FXR1: variants seen among roughly 807,000 people sequenced by gnomAD.
FXR1 encodes RNA-binding protein FXR1.
In FXR1, 15 loss-of-function variants were observed where a neutral mutation model predicts 84.0. The observed-to-expected ratio is 0.18, with a 90% CI of 0.12 to 0.27. The LOEUF (loss-of-function observed/expected upper bound fraction) is 0.27, where lower values mean the gene tolerates loss of function less well. Ranked by LOEUF, FXR1 falls within the 10% of genes least tolerant of loss-of-function variation. The pLI, the probability that FXR1 is intolerant of heterozygous loss-of-function variation, is 1.00. For missense variants in FXR1, 480 were observed against 774.4 expected, an observed-to-expected ratio of 0.62 and a Z score of 4.51; for synonymous variants, 245 against 250.7, an observed-to-expected ratio of 0.98 and a Z score of 0.21.
At chr3:180,961,000 C>G (rs182694330) in intron 10 of FXR1, among the ~76,000 whole-genome samples, 1 of 151,848 alleles carries the variant, frequency 6.6e-6, no homozygotes, top group Non-Finnish European at 1.5e-5. Context: ...AAGTTTAGTA[C>G]ATGTAAATTG....
intron 1 of FXR1, among the ~76,000 whole-genome samples, chr3:180,929,180 C>T (rs572441550): frequency 4.5e-4 from 69 of 152,304 alleles, no homozygotes; most frequent in East Asian, 3.3e-3. Flanking sequence ...GCTGGGATTA[C>T]AGGCGTGAGC....
At chr3:180,973,532 A>C (rs1047843099) in intron 15 of FXR1, among the ~76,000 whole-genome samples, 16 of 152,238 alleles carry the variant, frequency 1.1e-4, no homozygotes, top group Admixed American at 2.0e-4. Context: ...TTGTTCTTGT[A>C]ATAGGTTTGC....
chr3:180,950,643 C>G (rs1202922236), intron 7 of FXR1, among the ~76,000 whole-genome samples: 2 of 152,080 alleles, frequency 1.3e-5, no homozygotes, highest in Non-Finnish European at 2.9e-5. Flanking sequence ...TGCTCATTTT[C>G]CCCTTTCCAC....
chr3:180,972,776 A>AC (rs1713748905), intron 15 of FXR1, among the ~76,000 whole-genome samples: 2 of 152,074 alleles, frequency 1.3e-5, no homozygotes, highest in Admixed American at 6.6e-5. Flanking sequence ...CTTCTTTGGG[A>AC]TTACTACTTC....
intron 9 of FXR1, among the ~76,000 whole-genome samples, chr3:180,955,954 C>G (rs958623294): frequency 2.0e-5 from 3 of 152,158 alleles, no homozygotes; most frequent in South Asian, 4.1e-4. Context: ...CTATTACACA[C>G]TGGTGAAATA....
At chr3:180,949,828 A>G (rs1356210836) in intron 7 of FXR1, among the ~76,000 whole-genome samples, 1 of 152,238 alleles carries the variant, frequency 6.6e-6, no homozygotes, top group Non-Finnish European at 1.5e-5. Context: ...CCTTTGCGAA[A>G]TGCCTGTTGA....
chr3:180,957,646 C>T (rs1711526124), intron 9 of FXR1, 173 bp from the exon 10 acceptor site: 2 of 490,488 alleles, frequency 4.1e-6, no homozygotes, highest in Non-Finnish European at 7.4e-6. Flanking sequence ...AGTTTCAGAC[C>T]AAGGGTGAAA....
At chr3:180,968,831 A>G (rs1406710425) in intron 14 of FXR1, among the ~76,000 whole-genome samples, 1 of 152,116 alleles carries the variant, frequency 6.6e-6, no homozygotes, top group African/African-American at 2.4e-5. Flanking sequence ...GTCTTCTAAA[A>G]TTTTTTTATG....
chr3:180,933,257 C>G, intron 1 of FXR1, 77 bp from the exon 2 acceptor site: 2 of 844,956 alleles, frequency 2.4e-6, no homozygotes, highest in Non-Finnish European at 4.0e-6. Context: ...TCCCTATTAT[C>G]TTTGAACTAA....
At chr3:180,934,460 G>GA (rs1166911598) in intron 2 of FXR1, among the ~76,000 whole-genome samples, 1 of 152,090 alleles carries the variant, frequency 6.6e-6, no homozygotes, top group Non-Finnish European at 1.5e-5. Flanking sequence ...AATACAACAT[G>GA]AAAAATGTCA....
chr3:180,939,776 AG>A (rs1424212834), intron 3 of FXR1, among the ~76,000 whole-genome samples: 1 of 152,226 alleles, frequency 6.6e-6, no homozygotes, highest in African/African-American at 2.4e-5. Flanking sequence ...GTTTTGTGCC[AG>A]ACTCACAACA....
At chr3:180,951,931 G>A (rs1722266321) in intron 8 of FXR1, among the ~76,000 whole-genome samples, 1 of 152,170 alleles carries the variant, frequency 6.6e-6, no homozygotes, top group Non-Finnish European at 1.5e-5. Context: ...GCCAGGTGCA[G>A]TGGCACACAC....
chr3:180,951,004 A>G (rs1274762881), intron 7 of FXR1, among the ~76,000 whole-genome samples: 3 of 151,896 alleles, frequency 2.0e-5, no homozygotes, highest in African/African-American at 4.8e-5. Flanking sequence ...CTTTAGCCCA[A>G]AAGTTCGAGA....
At chr3:180,928,840 T>C (rs1719544988) in intron 1 of FXR1, among the ~76,000 whole-genome samples, 1 of 152,220 alleles carries the variant, frequency 6.6e-6, no homozygotes, top group African/African-American at 2.4e-5. Flanking sequence ...AAATTAGTTC[T>C]TCGGATAGTG....
chr3:180,944,886 G>T (rs1721535036), intron 3 of FXR1, among the ~76,000 whole-genome samples: 1 of 152,242 alleles, frequency 6.6e-6, no homozygotes, highest in African/African-American at 2.4e-5. Flanking sequence ...GCCTCCCAGA[G>T]TACTCGGATT....
intron 3 of FXR1, among the ~76,000 whole-genome samples, chr3:180,940,867 C>T (rs897107028): frequency 1.3e-5 from 2 of 152,142 alleles, no homozygotes; most frequent in Admixed American, 6.5e-5. Flanking sequence ...TGAGCCACCA[C>T]GCGCAGCCCT....
At chr3:180,942,288 G>T (rs527560671) in intron 3 of FXR1, among the ~76,000 whole-genome samples, 2 of 143,538 alleles carry the variant, frequency 1.4e-5, no homozygotes, top group South Asian at 4.6e-4. Context: ...TGAGGCAGGA[G>T]AATGGCGTGA....
intron 8 of FXR1, among the ~76,000 whole-genome samples, chr3:180,951,965 T>C (rs1177525123): frequency 6.6e-6 from 1 of 152,168 alleles, no homozygotes; most frequent in Admixed American, 6.5e-5. Flanking sequence ...TACTTGGGAA[T>C]CTGAGGCAGG....
At chr3:180,967,405 C>T (rs1436973941) in intron 13 of FXR1, among the ~76,000 whole-genome samples, 4 of 152,080 alleles carry the variant, frequency 2.6e-5, no homozygotes, top group Non-Finnish European at 4.4e-5. Flanking sequence ...GTGAAATACA[C>T]TATACAGTTA....
Sources: gnomAD v4.1 joint callset for allele counts (sites outside exome capture counted in the v4.1 genomes callset) on GRCh38, gnomAD v4.1.1 for gene constraint, MANE v1.5 for transcripts, NCBI Gene and HGNC (gene_info 2026-07-23, HGNC 2026-07-21) for gene names.